Variants in RNF4 observed in about 807,000 individuals in gnomAD.
The protein encoded by RNF4 is E3 ubiquitin-protein ligase RNF4.
RNF4 carries 7 observed loss-of-function variants against 24.3 expected under a neutral mutation model. That is an observed-to-expected ratio of 0.29 (90% CI 0.16 to 0.54). The LOEUF (loss-of-function observed/expected upper bound fraction) is 0.54. Among genes scored for constraint, RNF4 ranks in the 20% least tolerant of loss-of-function variants. RNF4 has a pLI of 0.95. For synonymous variants in RNF4, 83 were observed against 84.3 expected (o/e 0.98, Z 0.09); for missense variants, 209 against 248.5 (o/e 0.84, Z 1.07).
intron 1 of RNF4, among the ~76,000 whole-genome samples, chr4:2,485,075 T>C (rs1735365801): frequency 6.6e-6 from 1 of 151,932 alleles, no homozygotes; most frequent in Non-Finnish European, 1.5e-5. Context: ...CCCACATACA[T>C]TGTTTCTTAA....
rs1302728472 is a variant in RNF4 at position 2,514,625 on chromosome 4, T to C, written c.*806T>C. The C allele has an allele frequency of 2.0e-5, 3 of 152,634 alleles. No homozygotes were observed. Among genetic ancestry groups the C allele is most frequent in the African/African-American group, 7.2e-5 (3 of 41,430 alleles). 9.5% of individuals were successfully genotyped at this position (152,634 alleles called of 1,614,324 possible). A position where few individuals can be genotyped will look rare whatever the true frequency, so the allele number is the denominator to read the frequency against. The stretch of plus-strand genomic sequence containing the variant: ...CCTGGCACAGGACATGCAAGATAAA[T>C]AGGGCAGGCACGTGTTTGGGTGTCC... On this transcript the variant is annotated 3_prime_UTR_variant, in exon 8 of 8. Coordinates refer to ENST00000314289, the MANE Select transcript of RNF4 (RefSeq NM_002938.5).
chr4:2,486,526 G>A (rs926632291), intron 1 of RNF4, among the ~76,000 whole-genome samples: 2 of 152,156 alleles, frequency 1.3e-5, no homozygotes, highest in African/African-American at 4.8e-5. Flanking sequence ...AAAAGAGAGA[G>A]AAAAACCAGA....
rs1359719284 is a variant in RNF4 at position 2,512,483 on chromosome 4, A to G, written c.260A>G (p.His87Arg). ...AATGCTAGGAGGCTGCCCCAGGACCATGCTGACAGCTGTGTGGTGAGCAGT... is the reference window on the plus strand; with the variant it reads ...AATGCTAGGAGGCTGCCCCAGGACCGTGCTGACAGCTGTGTGGTGAGCAGT... ...RRNARRLPQD[H>R]ADSCVVSSDD... Residue 87 changes from histidine to arginine, a missense_variant, in exon 6 of 8, where the codon CAT becomes CGT. Around this residue, in one of 3 missense-constraint regions of RNF4, gnomAD observed 182 missense variants for 197.2 expected, o/e 0.92. Transcript: ENST00000314289. This position sits in a 1 kb window ranked among gnomAD's most constrained non-coding sequence, Gnocchi z 4.1. 24 of 1,613,618 alleles carry G rather than the reference A, an allele frequency of 1.5e-5. No homozygotes were observed. The highest frequency in any genetic ancestry group is 5.0e-5 in the Admixed American group (3 of 59,954).
In RNF4 at chr4:2,513,770, C is replaced by G. The variant is rs755252409; in HGVS notation, c.524C>G (p.Thr175Ser). ...DSLKNANTCP[T>S]CRKKINHKRY... is the part of the protein sequence containing the mutation. ...CTGAAGAATGCTAATACTTGCCCAACTTGTAGGAAAAAGATCAACCACAAA... is the reference window on the plus strand; with the variant it reads ...CTGAAGAATGCTAATACTTGCCCAAGTTGTAGGAAAAAGATCAACCACAAA... The change falls in exon 8 of 8, where the codon ACT becomes AGT. Residue 175 changes from threonine (T) to serine (S), a missense_variant. By Grantham distance (58) the Thr-to-Ser change is moderately conservative (BLOSUM62 1). This residue lies in a region of RNF4 where 10 missense variants were observed against 35.0 expected (regional missense o/e 0.29). Coordinates refer to ENST00000314289, the MANE Select transcript of RNF4 (RefSeq NM_002938.5). 10 of 1,614,004 alleles carry G rather than the reference C, an allele frequency of 6.2e-6. No individual in the cohort carries two copies. Among genetic ancestry groups the G allele is most frequent in the Non-Finnish European group, 1.7e-6 (2 of 1,179,906 alleles).
At chr4:2,480,109 C>G (rs1388495558) in intron 1 of RNF4, 3 of 149,852 alleles carry the variant, frequency 2.0e-5, no homozygotes, top group Non-Finnish European at 3.0e-5. Context: ...TTTTTTTTTT[C>G]TTTGGTATTA....
Position 2,473,535 on chromosome 4 carries a change from G to T in RNF4, c.-158+4277G>T, listed in dbSNP as rs986971209. Among the ~76,000 whole-genome samples, 4 of 152,220 alleles carry T rather than the reference G, an allele frequency of 2.6e-5. 1 individual carries two copies. The highest frequency in any genetic ancestry group is 1.9e-4 in the East Asian group (1 of 5,172). On this transcript the variant is annotated intron_variant, in intron 1 of 7. Coordinates refer to ENST00000314289, the MANE Select transcript of RNF4 (RefSeq NM_002938.5). ...CTAGAATTAGAAGTAGAGCCTGGCC[G>T]GGCCTGGTGGCTCACGCCTGTAATC...
At chr4:2,496,971 T>C in intron 2 of RNF4, 36 bp from the exon 3 acceptor site, 1 of 1,461,404 alleles carries the variant, frequency 6.8e-7, no homozygotes, top group Non-Finnish European at 9.4e-7. Flanking sequence ...GACATTCTGG[T>C]GTTCATGTGA....
chr4:2,495,762 A>G (rs1168063569), intron 2 of RNF4, among the ~76,000 whole-genome samples: 4 of 152,110 alleles, frequency 2.6e-5, no homozygotes, highest in Admixed American at 2.6e-4. Flanking sequence ...CCTCCCGAGT[A>G]GCTGGGATTA....
intron 3 of RNF4, among the ~76,000 whole-genome samples, chr4:2,499,930 G>A (rs1239219096): frequency 6.6e-6 from 1 of 152,144 alleles, no homozygotes; most frequent in Non-Finnish European, 1.5e-5. Flanking sequence ...ACTGAAGTGG[G>A]TGGATCACAA....
intron 2 of RNF4, among the ~76,000 whole-genome samples, chr4:2,495,641 G>GGA (rs1553878666): frequency 6.7e-6 from 1 of 148,230 alleles, no homozygotes; most frequent in Non-Finnish European, 1.5e-5. Context: ...TTTTTTTTTG[G>GGA]GGGGGGGTGA....
Position 2,514,191 on chromosome 4 carries a change from G to A in RNF4, c.*372G>A. On this transcript the variant is annotated 3_prime_UTR_variant, in exon 8 of 8. Coordinates refer to ENST00000314289, the MANE Select transcript of RNF4 (RefSeq NM_002938.5). ...GGGCACACCACCTTTTGTCCCAAGT[G>A]TCTGCCGGTCGACCAATCTGCCTGC... The A allele has an allele frequency of 4.2e-6, 1 of 238,272 alleles. No homozygotes were observed. 14.8% of individuals were successfully genotyped at this position (238,272 alleles called of 1,614,324 possible).
chr4:2,476,704 C>CT (rs72435381), intron 1 of RNF4, among the ~76,000 whole-genome samples: 33,994 of 136,450 alleles, frequency 0.25, 4,465 homozygotes, highest in African/African-American at 0.37. Flanking sequence ...TTCTTTCTTT[C>CT]TTTTTTTTTT....
intron 1 of RNF4, among the ~76,000 whole-genome samples, chr4:2,472,398 A>G (rs1734933213): frequency 6.6e-6 from 1 of 152,228 alleles, no homozygotes; most frequent in Non-Finnish European, 1.5e-5. Flanking sequence ...ATTAATGTTA[A>G]CATCTGTTCT....
chr4:2,474,777 C>A (rs1209721227), intron 1 of RNF4, among the ~76,000 whole-genome samples: 1 of 152,172 alleles, frequency 6.6e-6, no homozygotes, highest in East Asian at 1.9e-4. Context: ...GTAATCCCAG[C>A]ACTTTAGGAG....
At chr4:2,481,883 A>G (rs1347345548) in intron 1 of RNF4, among the ~76,000 whole-genome samples, 1 of 151,786 alleles carries the variant, frequency 6.6e-6, no homozygotes, top group African/African-American at 2.4e-5. Context: ...AAGTTTTTGT[A>G]TTTTTTTGTA....
intron 3 of RNF4, chr4:2,499,331 G>A (rs1168052464): frequency 2.2e-6 from 1 of 448,756 alleles, no homozygotes; most frequent in African/African-American, 2.0e-5. Context: ...TGCTCTTGTT[G>A]CCCAGGCTGG....
rs1400495545 is a variant in RNF4 at position 2,512,270 on chromosome 4, C to A, written c.215-168C>A. On this transcript the variant is annotated intron_variant, in intron 5 of 7. Transcript: ENST00000314289. The surrounding 1 kb of genome is among the most constrained non-coding windows in gnomAD (Gnocchi z 4.1). ...TCTCCTGGGAAGATAAGATAGTGGC[C>A]TCCAGAGCTGGGCAGAACCTTCTGG... The A allele has an allele frequency of 2.4e-6, 2 of 824,912 alleles. No homozygotes were observed. Among genetic ancestry groups the A allele is most frequent in the Non-Finnish European group, 3.9e-6 (2 of 516,660 alleles). 51.1% of individuals were successfully genotyped at this position (824,912 alleles called of 1,614,324 possible).
At chr4:2,499,391 C>T (rs1280914146) in intron 3 of RNF4, 7 of 405,140 alleles carry the variant, frequency 1.7e-5, no homozygotes, top group African/African-American at 6.4e-5. Context: ...ATTCTCCTGC[C>T]TCAGCCTCCC....
intron 4 of RNF4, among the ~76,000 whole-genome samples, chr4:2,504,538 T>TTA (rs1736010670): frequency 1.4e-5 from 2 of 147,210 alleles, no homozygotes; most frequent in Admixed American, 6.8e-5. Context: ...ATTTATTTAT[T>TTA]TATTTATTTA....
Sources: gnomAD v4.1 joint callset for allele counts (sites outside exome capture counted in the v4.1 genomes callset) on GRCh38, gnomAD v4.1.1 for gene constraint, gnomAD v4.1.1 regional missense constraint, Gnocchi (gnomAD v3.1) non-coding constraint, MANE v1.5 for transcripts, NCBI Gene and HGNC (gene_info 2026-07-23, HGNC 2026-07-21) for gene names.